Variants in FOXP2 observed in about 807,000 individuals in gnomAD.
The protein encoded by FOXP2 is forkhead box protein P2.
In FOXP2, 12 loss-of-function variants were observed where a neutral mutation model predicts 115.8. The ratio of observed to expected loss-of-function variants is 0.10; its 90% CI spans 0.07 to 0.17. FOXP2 has a LOEUF of 0.17. Ranked by LOEUF, FOXP2 falls within the 10% of genes least tolerant of loss-of-function variation. The pLI is 1.00. For missense variants in FOXP2, 629 were observed against 843.5 expected (o/e 0.75, Z 3.15); for synonymous variants, 328 against 297.7 (o/e 1.10, Z -1.05).
intron 2 of FOXP2, among the ~76,000 whole-genome samples, chr7:114,431,630 C>T (rs1794118146): frequency 6.6e-6 from 1 of 151,814 alleles, no homozygotes; most frequent in African/African-American, 2.4e-5. Context: ...TGCATGATCT[C>T]ATTTATTGTA....
intron 3 of FOXP2, among the ~76,000 whole-genome samples, chr7:114,557,394 T>G (rs1036994748): frequency 2.0e-5 from 3 of 152,182 alleles, no homozygotes; most frequent in Non-Finnish European, 2.9e-5. Flanking sequence ...AGATGTAGTC[T>G]GAAAATCGCA....
intron 2 of FOXP2, among the ~76,000 whole-genome samples, chr7:114,480,039 G>A (rs749775294): frequency 1.3e-5 from 2 of 151,266 alleles, no homozygotes; most frequent in Non-Finnish European, 3.0e-5. Flanking sequence ...CTTAAACCTT[G>A]GACTTTAGGG....
At chr7:114,309,472 G>C (rs1797092405) in intron 2 of FOXP2, among the ~76,000 whole-genome samples, 1 of 152,142 alleles carries the variant, frequency 6.6e-6, no homozygotes, top group East Asian at 1.9e-4. Context: ...ATGATGGTGG[G>C]TCCACAGCCA....
chr7:114,361,277 G>T (rs1405431018), intron 2 of FOXP2, among the ~76,000 whole-genome samples: 1 of 152,104 alleles, frequency 6.6e-6, no homozygotes, highest in African/African-American at 2.4e-5. Context: ...ATTGATTTCA[G>T]TCTCATGTAA....
chr7:114,661,052 C>CT (rs3028481), intron 13 of FOXP2, among the ~76,000 whole-genome samples: 54,458 of 142,338 alleles, frequency 0.38, 10,873 homozygotes, highest in Non-Finnish European at 0.47. Context: ...TCTGCTTATG[C>CT]TTTTTTTTTT....
chr7:114,588,970 C>T (rs574847981), intron 3 of FOXP2, among the ~76,000 whole-genome samples: 2 of 152,224 alleles, frequency 1.3e-5, no homozygotes, highest in Admixed American at 6.5e-5. Flanking sequence ...TTTGCTAATT[C>T]TATTAAGTTC....
At chr7:114,227,533 T>C (rs1794772142) in intron 1 of FOXP2, among the ~76,000 whole-genome samples, 1 of 148,790 alleles carries the variant, frequency 6.7e-6, no homozygotes, top group Admixed American at 6.8e-5. Context: ...TTCTAAGTCT[T>C]TCTTGAATAC....
At chr7:114,152,526 A>T (rs546693867) in intron 1 of FOXP2, among the ~76,000 whole-genome samples, 5 of 152,192 alleles carry the variant, frequency 3.3e-5, no homozygotes, top group African/African-American at 1.2e-4. Context: ...CTGCTTTTGC[A>T]TATGCAAATC....
chr7:114,419,383 A>G (rs1274842416), intron 1 of FOXP2, among the ~76,000 whole-genome samples: 1 of 151,946 alleles, frequency 6.6e-6, no homozygotes, highest in Non-Finnish European at 1.5e-5. Context: ...GATGTGTGCT[A>G]ACATTTAAAA....
intron 2 of FOXP2, among the ~76,000 whole-genome samples, chr7:114,488,286 C>G (rs190941907): frequency 6.6e-6 from 1 of 152,110 alleles, no homozygotes; most frequent in African/African-American, 2.4e-5. Flanking sequence ...CCGGGTTTCT[C>G]CCAAGACTCA....
chr7:114,624,621 A>T (rs899132851), intron 3 of FOXP2, among the ~76,000 whole-genome samples: 2 of 151,838 alleles, frequency 1.3e-5, no homozygotes, highest in African/African-American at 4.8e-5. Context: ...TATGTAAAAC[A>T]AAAATTTTGG....
intron 1 of FOXP2, among the ~76,000 whole-genome samples, chr7:114,102,862 C>G (rs1432328540): frequency 6.6e-6 from 1 of 152,048 alleles, no homozygotes; most frequent in Non-Finnish European, 1.5e-5. Context: ...AATTCTCTCA[C>G]AAGCTCTTCC....
At chr7:114,390,043 A>G (rs111888605) in intron 2 of FOXP2, among the ~76,000 whole-genome samples, 5,460 of 144,100 alleles carry the variant, frequency 0.038, 266 homozygotes, top group African/African-American at 0.11. Flanking sequence ...AAAAAAAAAA[A>G]GCATAACAAG....
chr7:114,543,332 A>G (rs73429347), intron 3 of FOXP2, among the ~76,000 whole-genome samples: 13,365 of 152,138 alleles, frequency 0.088, 1,228 homozygotes, highest in African/African-American at 0.23. Flanking sequence ...GACCCTCAAC[A>G]TTCACAATGT....
intron 3 of FOXP2, among the ~76,000 whole-genome samples, chr7:114,612,376 T>C (rs3931971): frequency 1.0e-4 from 12 of 115,492 alleles, no homozygotes; most frequent in Admixed American, 7.0e-4. Flanking sequence ...ATATACTATA[T>C]ACACACACAC....
At chr7:114,164,506 C>A (rs537810536) in intron 1 of FOXP2, among the ~76,000 whole-genome samples, 1 of 152,008 alleles carries the variant, frequency 6.6e-6, no homozygotes, top group South Asian at 2.1e-4. Flanking sequence ...CCACCACACC[C>A]AGCTAACTTT....
intron 6 of FOXP2, among the ~76,000 whole-genome samples, chr7:114,640,621 A>G (rs1563052780): frequency 1.3e-5 from 2 of 152,138 alleles, no homozygotes; most frequent in African/African-American, 4.8e-5. Flanking sequence ...GAGAGAGTTC[A>G]TTCTTCTCAC....
chr7:114,563,376 T>A (rs1800847784), intron 3 of FOXP2, among the ~76,000 whole-genome samples: 1 of 152,206 alleles, frequency 6.6e-6, no homozygotes, highest in African/African-American at 2.4e-5. Context: ...TCTTTGTGTT[T>A]TGTTGTCTTT....
chr7:114,483,668 A>G (rs1283531520), intron 2 of FOXP2, among the ~76,000 whole-genome samples: 2 of 151,730 alleles, frequency 1.3e-5, no homozygotes, highest in African/African-American at 2.4e-5. Flanking sequence ...TTTTTTAAAA[A>G]GGTTAATATT....
Sources: allele counts gnomAD v4.1 joint callset (sites outside exome capture counted in the v4.1 genomes callset), GRCh38; gene constraint gnomAD v4.1.1; transcripts MANE v1.5; gene names NCBI Gene and HGNC (gene_info 2026-07-23, HGNC 2026-07-21).